KCNIP4: variants seen among roughly 807,000 people sequenced by gnomAD.
KCNIP4 encodes the protein Kv channel-interacting protein 4.
In KCNIP4, 12 loss-of-function variants were observed where a neutral mutation model predicts 34.0. The observed-to-expected ratio is 0.35, with a 90% CI of 0.23 to 0.57. The LOEUF is 0.57. KCNIP4 is among the 20% of genes least tolerant of loss of function. The pLI, the probability that KCNIP4 is intolerant of heterozygous loss-of-function variation, is 0.83. For missense variants in KCNIP4, 238 were observed against 311.7 expected (o/e 0.76, Z 1.78); for synonymous variants, 124 against 102.2 (o/e 1.21, Z -1.29).
intron 1 of KCNIP4, among the ~76,000 whole-genome samples, chr4:21,289,318 T>C (rs1763298982): frequency 6.6e-6 from 1 of 152,182 alleles, no homozygotes; most frequent in Non-Finnish European, 1.5e-5. Flanking sequence ...ACTCTTTTAG[T>C]TGTTTTAAAA....
At chr4:21,022,009 A>C (rs1338694815) in intron 1 of KCNIP4, among the ~76,000 whole-genome samples, 1 of 152,118 alleles carries the variant, frequency 6.6e-6, no homozygotes, top group Admixed American at 6.6e-5. Context: ...GCAGCACAGT[A>C]GGTTTTTTTA....
At chr4:21,147,939 C>CAAAAA (rs377562727) in intron 1 of KCNIP4, among the ~76,000 whole-genome samples, 43 of 30,960 alleles carry the variant, frequency 1.4e-3, no homozygotes, top group Non-Finnish European at 2.0e-3. Flanking sequence ...AACTCCGTCT[C>CAAAAA]AAAAAAAAAA....
chr4:21,204,234 G>GGGGAA lies in KCNIP4; in HGVS notation c.62-321530_62-321526dup, dbSNP rs1180216284. 2.6e-5 allele frequency among the ~76,000 whole-genome samples: 4 copies of GGGGAA among 152,156 alleles called. No homozygotes were observed. The East Asian group carries it at 7.7e-4, about 29-fold the overall frequency. ...ATGTGCTTAGTTCAGTCCAATGAAA[G>GGGGAA]GGGAAAGGATTGAATCTGATGACCT... On this transcript the variant is annotated intron_variant, in intron 1 of 8. Coordinates refer to ENST00000382152, the MANE Select transcript of KCNIP4 (RefSeq NM_025221.6).
chr4:21,240,309 G>T (rs556152964), intron 1 of KCNIP4, among the ~76,000 whole-genome samples: 19 of 141,514 alleles, frequency 1.3e-4, no homozygotes, highest in Non-Finnish European at 2.8e-4. Flanking sequence ...CACCAACATG[G>T]CACATGTATA....
intron 1 of KCNIP4, among the ~76,000 whole-genome samples, chr4:21,369,805 C>G (rs1720146910): frequency 7.9e-6 from 1 of 125,910 alleles, no homozygotes; most frequent in African/African-American, 3.8e-5. Context: ...GGGCCGAGAC[C>G]TTAACCCAAA....
intron 1 of KCNIP4, among the ~76,000 whole-genome samples, chr4:21,140,803 AGG>A (rs1751893536): frequency 9.9e-5 from 15 of 152,094 alleles, no homozygotes; most frequent in Admixed American, 9.8e-4. Flanking sequence ...TTGGTTGCCA[AGG>A]TTGGAAAGTC....
rs149005303 is a variant in KCNIP4, at chr4:21,797,392, G to T, written c.61+151179C>A. 2.9e-3 allele frequency among the ~76,000 whole-genome samples: 447 copies of T among 152,164 alleles called. 3 individuals are homozygous for T. The highest frequency in any genetic ancestry group is 0.01 in the African/African-American group (422 of 41,510). ...ATTCCTGGCCTCAAGTTATCCTCCT[G>T]CCTCAGCCTCCCAAAGTGCTGGAAT... On this transcript the variant is annotated intron_variant, in intron 1 of 8. Coordinates refer to ENST00000382152, the MANE Select transcript of KCNIP4 (RefSeq NM_025221.6).
chr4:20,956,146 C>A (rs1437349488), intron 1 of KCNIP4, among the ~76,000 whole-genome samples: 1 of 152,182 alleles, frequency 6.6e-6, no homozygotes, highest in Non-Finnish European at 1.5e-5. Context: ...ATTATATGGG[C>A]ATTCAATAAA....
At chr4:21,018,022 A>G (rs1739707985) in intron 1 of KCNIP4, among the ~76,000 whole-genome samples, 1 of 152,220 alleles carries the variant, frequency 6.6e-6, no homozygotes, top group African/African-American at 2.4e-5. Flanking sequence ...ATAAAAACTC[A>G]CGGATGTACC....
intron 1 of KCNIP4, among the ~76,000 whole-genome samples, chr4:21,437,514 C>A (rs559143991): frequency 1.3e-5 from 2 of 152,190 alleles, no homozygotes; most frequent in African/African-American, 2.4e-5. Flanking sequence ...TTTTGTTGAA[C>A]CTTTAGGGTT....
chr4:21,186,910 GA>G (rs1184659526), intron 1 of KCNIP4, among the ~76,000 whole-genome samples: 1 of 152,072 alleles, frequency 6.6e-6, no homozygotes, highest in Non-Finnish European at 1.5e-5. Context: ...AAAGTGCTGG[GA>G]TCACAGGTGT....
intron 1 of KCNIP4, among the ~76,000 whole-genome samples, chr4:21,243,341 C>A (rs928560148): frequency 3.3e-5 from 5 of 152,054 alleles, no homozygotes; most frequent in African/African-American, 1.2e-4. Flanking sequence ...AGATCGAGTT[C>A]TTTTTACTGT....
chr4:21,886,931 C>T (rs868101445), intron 1 of KCNIP4, among the ~76,000 whole-genome samples: 3 of 151,998 alleles, frequency 2.0e-5, no homozygotes, highest in Non-Finnish European at 4.4e-5. Flanking sequence ...CATTTGAAGA[C>T]CACTGAAAAA....
At chr4:20,858,769 G>A (rs532739169) in intron 2 of KCNIP4, among the ~76,000 whole-genome samples, 6 of 152,262 alleles carry the variant, frequency 3.9e-5, no homozygotes, top group Admixed American at 1.3e-4. Context: ...TGCTCTAAGC[G>A]TGGTTGTATA....
At chr4:21,866,594 A>G (rs769680391) in intron 1 of KCNIP4, among the ~76,000 whole-genome samples, 9 of 152,172 alleles carry the variant, frequency 5.9e-5, no homozygotes, top group Middle Eastern at 3.2e-3. Flanking sequence ...CTAGAAGAGA[A>G]AGGAAAAGCA....
intron 1 of KCNIP4, among the ~76,000 whole-genome samples, chr4:21,399,828 A>C (rs1208090885): frequency 6.6e-6 from 1 of 152,100 alleles, no homozygotes; most frequent in Non-Finnish European, 1.5e-5. Context: ...AAAATCTGAC[A>C]ATTCTAATTC....
intron 1 of KCNIP4, among the ~76,000 whole-genome samples, chr4:21,104,749 T>C (rs953285685): frequency 6.6e-6 from 1 of 151,884 alleles, no homozygotes; most frequent in East Asian, 1.9e-4. Context: ...AAGTCTTTAA[T>C]CCACCTTTAA....
chr4:21,423,210 C>G (rs1335543704), intron 1 of KCNIP4, among the ~76,000 whole-genome samples: 1 of 152,102 alleles, frequency 6.6e-6, no homozygotes, highest in East Asian at 1.9e-4. Context: ...GCAACAAAAC[C>G]CTTTTACAAT....
chr4:21,206,956 T>A (rs1756892356), intron 1 of KCNIP4, among the ~76,000 whole-genome samples: 1 of 152,204 alleles, frequency 6.6e-6, no homozygotes. Flanking sequence ...CATTGTCGCT[T>A]TAGAGATGCT....
Sources: gnomAD v4.1 joint callset for allele counts (sites outside exome capture counted in the v4.1 genomes callset) on GRCh38, gnomAD v4.1.1 for gene constraint, MANE v1.5 for transcripts, NCBI Gene and HGNC (gene_info 2026-07-23, HGNC 2026-07-21) for gene names.